Variants in KLHL5 observed in about 807,000 individuals in gnomAD.
The protein encoded by KLHL5 is kelch-like protein 5.
In KLHL5, 48 loss-of-function variants were observed where a neutral mutation model predicts 77.7. The ratio of observed to expected loss-of-function variants is 0.62; its 90% CI spans 0.49 to 0.79. KLHL5 has a LOEUF of 0.79. KLHL5 is among the 30% of genes least tolerant of loss of function. The probability of loss-of-function intolerance (pLI) is 0.00; values close to 1 mark genes in which losing one functional copy is unlikely to be tolerated. For synonymous variants in KLHL5, 260 were observed against 297.0 expected, an observed-to-expected ratio of 0.88 and a Z score of 1.28; for missense variants, 723 against 859.7, an observed-to-expected ratio of 0.84 and a Z score of 1.99.
At chr4:39,047,644 C>T (rs891080806) in intron 1 of KLHL5, among the ~76,000 whole-genome samples, 1 of 152,148 alleles carries the variant, frequency 6.6e-6, no homozygotes, top group Admixed American at 6.5e-5. Context: ...CTGCAAGTTG[C>T]CTGTTGAAGG....
intron 7 of KLHL5, among the ~76,000 whole-genome samples, chr4:39,104,286 A>G (rs1004463195): frequency 6.6e-6 from 1 of 152,196 alleles, no homozygotes; most frequent in African/African-American, 2.4e-5. Context: ...AAAATTAACT[A>G]TATGAAATTT....
chr4:39,107,471 G>A, intron 7 of KLHL5, 98 bp from the exon 8 acceptor site: 1 of 648,818 alleles, frequency 1.5e-6, no homozygotes, highest in Non-Finnish European at 2.2e-6. Context: ...AGTTCTATTT[G>A]TATGTTTAAG....
At chr4:39,099,899 G>A (rs1424906456) in intron 6 of KLHL5, among the ~76,000 whole-genome samples, 1 of 152,146 alleles carries the variant, frequency 6.6e-6, no homozygotes, top group Admixed American at 6.6e-5. Flanking sequence ...CAGATAATCT[G>A]CAAATACTTA....
At position 39,110,398 on chromosome 4, in the gene KLHL5, G is replaced by C. The variant is rs537781828; in HGVS notation, c.1689-2622G>C. Among the ~76,000 whole-genome samples the C allele has an allele frequency of 2.3e-4, 35 of 151,816 alleles. No individual in the cohort carries two copies. In the South Asian group the frequency reaches 6.4e-3, roughly 28 times the overall value. On this transcript the variant is annotated intron_variant, in intron 8 of 10. Transcript: ENST00000504108. ...GGAAATTCTTCAGTTAAATTGCCCA[G>C]TTTGAAAGTAGTAATAATTTTTTTT...
At chr4:39,079,829 AT>A (rs1719443908) in intron 2 of KLHL5, among the ~76,000 whole-genome samples, 1 of 151,378 alleles carries the variant, frequency 6.6e-6, no homozygotes, top group South Asian at 2.1e-4. Flanking sequence ...TGTTCATTAA[AT>A]GAATGAATGA....
In KLHL5 at chr4:39,062,776, C is replaced by T. The variant is rs534817884; in HGVS notation, c.124C>T (p.Arg42Ter). The change falls in exon 1 of 11, where the codon CGA becomes TGA. Residue 42 changes from arginine to a stop codon, truncating the protein, a stop_gained. Transcript: ENST00000504108. LOFTEE classifies it high-confidence loss of function. ...CAGCCAGCAGGGAGAATTTTGGAAC[C>T]GAGGACAGACTGGAGCAAACGGTGG... is the stretch of plus-strand genomic sequence containing the variant. ...VDSQQGEFWN[R>*]GQTGANGGRK... 9.3e-6 allele frequency: 15 copies of T among 1,614,104 alleles called. No homozygotes were observed. The highest frequency in any genetic ancestry group is 2.2e-5 in the East Asian group (1 of 44,872).
In KLHL5 at chr4:39,096,877, AG is replaced by A; in HGVS notation, c.1300+1del. ...CAGTTGGGGGAATGGATTCAACAAA[AG>A]GTATCAAATAATCTTTTATTTGGGG... ...FAVGGMDSTKGATSIEKYDLR... is the reference protein window; with the variant it reads ...FAVGGMDSTKXATSIEKYDLR... On this transcript the variant is annotated frameshift_variant and splice_region_variant, in exon 6 of 11. Transcript: ENST00000504108. LOFTEE classifies it high-confidence loss of function. 6.2e-7 allele frequency: 1 copy of A among 1,609,372 alleles called. No individual in the cohort carries two copies. The highest frequency in any genetic ancestry group is 8.5e-7 in the Non-Finnish European group (1 of 1,175,892).
chr4:39,115,245 A>T lies in KLHL5; in HGVS notation c.1988A>T (p.Lys663Met). 1 of 1,613,938 alleles carries T rather than the reference A, an allele frequency of 6.2e-7. No individual in the cohort carries two copies. Among genetic ancestry groups the T allele is most frequent in the Non-Finnish European group, 8.5e-7 (1 of 1,179,916 alleles). ...DAVGVCLLGD[K>M]LYAVGGYDGQ... ...GTGGGGGTCTGTTTACTTGGTGATAAGTTATATGCTGTTGGGGGGTATGAT... is the reference window on the plus strand; with the variant it reads ...GTGGGGGTCTGTTTACTTGGTGATATGTTATATGCTGTTGGGGGGTATGAT... Residue 663 changes from lysine to methionine, a missense_variant, in exon 10 of 11, where the codon AAG becomes ATG. Physicochemically the swap from Lys to Met is moderately conservative, Grantham distance 95 (BLOSUM62 -1). Coordinates refer to ENST00000504108, the MANE Select transcript of KLHL5 (RefSeq NM_015990.5).
intron 1 of KLHL5, among the ~76,000 whole-genome samples, chr4:39,075,583 C>T (rs1438960946): frequency 6.6e-6 from 1 of 151,952 alleles, no homozygotes; most frequent in African/African-American, 2.4e-5. Flanking sequence ...ATTTAATTGC[C>T]TTTCTGCCTT....
At chr4:39,097,699 C>G (rs971627080) in intron 6 of KLHL5, among the ~76,000 whole-genome samples, 1 of 152,056 alleles carries the variant, frequency 6.6e-6, no homozygotes, top group Non-Finnish European at 1.5e-5. Flanking sequence ...AGAAATTGTT[C>G]CAGATTATAG....
At chr4:39,062,219 C>G, upstream of KLHL5, 2 of 1,181,348 alleles carry the variant, frequency 1.7e-6, no homozygotes, top group Non-Finnish European at 2.1e-6. Flanking sequence ...TACTAAGCAG[C>G]AGAGACTGAG....
At chr4:39,126,771 A>C (rs1227892774), downstream of KLHL5, 1 of 455,550 alleles carries the variant, frequency 2.2e-6, no homozygotes, top group Non-Finnish European at 4.4e-6. Flanking sequence ...AAAACTCCTT[A>C]TCTGAGGAAT....
chr4:39,127,317 CAA>C (rs35744556), downstream of KLHL5, among the ~76,000 whole-genome samples: 107 of 144,226 alleles, frequency 7.4e-4, no homozygotes, highest in Middle Eastern at 3.5e-3. Flanking sequence ...GACCTTGTGT[CAA>C]AAAAAAAAAA....
chr4:39,059,750 T>C (rs114019367), upstream of KLHL5, among the ~76,000 whole-genome samples: 1,581 of 151,980 alleles, frequency 0.01, 27 homozygotes, highest in African/African-American at 0.036. Context: ...ACATAAAAAA[T>C]TAGCTGGACA....
chr4:39,136,402 T>G, the KLHL5 span, among the ~76,000 whole-genome samples: 1 of 152,140 alleles, frequency 6.6e-6, no homozygotes, highest in Non-Finnish European at 1.5e-5. Flanking sequence ...TCAGGTGATC[T>G]GCCTGCCTCA....
At chr4:39,103,600 A>G (rs1721787117) in intron 7 of KLHL5, 89 bp downstream of exon 7, 2 of 995,622 alleles carry the variant, frequency 2.0e-6, no homozygotes, top group South Asian at 1.4e-5. Flanking sequence ...CCCGTGTGGC[A>G]GCCACTGCGT....
At chr4:39,120,891 G>A (rs1723164681) in intron 10 of KLHL5, 119 bp from the exon 11 acceptor site, 1 of 742,784 alleles carries the variant, frequency 1.3e-6, no homozygotes, top group Non-Finnish European at 2.3e-6. Context: ...GATACAGCAG[G>A]GGCCAGGGCA....
At chr4:39,134,090 A>C in the KLHL5 span, 1 of 152,218 alleles carries the variant, frequency 6.6e-6, no homozygotes, top group Non-Finnish European at 1.5e-5. Flanking sequence ...TAATTGAAAG[A>C]AGAGAGCATG....
At chr4:39,133,605 T>G in the KLHL5 span, among the ~76,000 whole-genome samples, 1 of 151,620 alleles carries the variant, frequency 6.6e-6, no homozygotes, top group African/African-American at 2.4e-5. Context: ...AAAAAAAAAT[T>G]TTTTATCTGT....
Sources: gnomAD v4.1 joint callset for allele counts (sites outside exome capture counted in the v4.1 genomes callset) on GRCh38, gnomAD v4.1.1 for gene constraint, MANE v1.5 for transcripts, NCBI Gene and HGNC (gene_info 2026-07-23, HGNC 2026-07-21) for gene names.